Variants in ARHGEF6 observed in about 807,000 individuals in gnomAD.
ARHGEF6 encodes the protein rho guanine nucleotide exchange factor 6.
A neutral mutation model predicts 70.3 loss-of-function variants in ARHGEF6; 9 were observed. That is an observed-to-expected ratio of 0.13 (90% CI 0.08 to 0.22). The LOEUF (loss-of-function observed/expected upper bound fraction) is 0.22. Ranked by LOEUF, ARHGEF6 falls within the 10% of genes least tolerant of loss-of-function variation. The pLI is 1.00. For synonymous variants in ARHGEF6, 201 were observed against 207.8 expected, an observed-to-expected ratio of 0.97 and a Z score of 0.28; for missense variants, 470 against 563.0, an observed-to-expected ratio of 0.83 and a Z score of 1.67.
chrX:136,753,536 G>A (rs921894431), intron 2 of ARHGEF6, among the ~76,000 whole-genome samples: 21 of 111,693 alleles, frequency 1.9e-4, no homozygotes, highest in Non-Finnish European at 3.8e-4. Context: ...CAGGTCTTCA[G>A]TTCTCAAGGC....
At chrX:136,704,671 C>G (rs755395635) in intron 9 of ARHGEF6, among the ~76,000 whole-genome samples, 1 of 111,648 alleles carries the variant, frequency 9.0e-6, no homozygotes, top group Non-Finnish European at 1.9e-5. Flanking sequence ...CCTTATAAAA[C>G]CTTCAGATCT....
intron 2 of ARHGEF6, among the ~76,000 whole-genome samples, chrX:136,751,896 C>T (rs2077155291): frequency 9.0e-6 from 1 of 111,199 alleles, no homozygotes. Context: ...TTTGATTCTC[C>T]CAGCAAGCCC....
At chrX:136,699,003 G>A (rs1402157335) in intron 9 of ARHGEF6, among the ~76,000 whole-genome samples, 1 of 111,569 alleles carries the variant, frequency 9.0e-6, no homozygotes, top group African/African-American at 3.3e-5. Flanking sequence ...GGGAGCAAAG[G>A]TCTGTTGGAA....
Position 136,747,508 on chromosome X carries a change from C to T in ARHGEF6, c.334G>A (p.Asp112Asn). 5 of 1,206,089 alleles carry T rather than the reference C, an allele frequency of 4.1e-6. No individual in the cohort carries two copies. Among genetic ancestry groups the T allele is most frequent in the Non-Finnish European group, 5.6e-6 (5 of 891,604 alleles). The change falls in exon 3 of 22, where the codon GAT (aspartate) becomes AAT (asparagine). Residue 112 changes from aspartate to asparagine, a missense_variant and splice_region_variant. Around this residue, in one of 3 missense-constraint regions of ARHGEF6, gnomAD observed 379 missense variants for 449.3 expected, o/e 0.84. Coordinates refer to ENST00000250617, the MANE Select transcript of ARHGEF6 (RefSeq NM_004840.3). ...TLLAVNKATE[D>N]QLSERPCGRS... ...CATATAAATCACAAGCCCGGCTTAC[C>T]TTCTGTTGCTTTGTTGACAGCTAAA...
At chrX:136,678,831 A>T (rs2076304286) in intron 16 of ARHGEF6, among the ~76,000 whole-genome samples, 1 of 111,883 alleles carries the variant, frequency 8.9e-6, no homozygotes, top group Admixed American at 9.5e-5. Flanking sequence ...ATCATTTCTG[A>T]AATCTGAAAT....
At chrX:136,740,272 G>C (rs1420157043) in intron 5 of ARHGEF6, among the ~76,000 whole-genome samples, 1 of 111,441 alleles carries the variant, frequency 9.0e-6, no homozygotes, top group Non-Finnish European at 1.9e-5. Context: ...GCCTCCCAAA[G>C]TGTTGGGATT....
chrX:136,695,743 A>G (rs1428493226), intron 9 of ARHGEF6, among the ~76,000 whole-genome samples: 1 of 112,516 alleles, frequency 8.9e-6, no homozygotes, highest in Non-Finnish European at 1.9e-5. Flanking sequence ...TATGTAGAAA[A>G]GTATGAAAAC....
chrX:136,681,748 G>A, intron 14 of ARHGEF6, 142 bp downstream of exon 14: 3 of 500,339 alleles, frequency 6.0e-6, no homozygotes, highest in Non-Finnish European at 1.0e-5. Context: ...AATTATCCCA[G>A]GAAATGGAAT....
At position 136,680,742 on chromosome X, in the gene ARHGEF6, T is replaced by C. The variant is rs768146006; in HGVS notation, c.1693A>G (p.Ser565Gly). ...CATGGACTACTTACAGAATGAGCAC[T>C]ACATGATGACGATGAGGTTTTGGAT... is the stretch of plus-strand genomic sequence containing the variant. ...SLSKTSSSSC[S>G]AHSSFSSTGQ... Residue 565 changes from serine to glycine, a missense_variant, in exon 15 of 22, where the codon AGT (serine) becomes GGT (glycine). Physicochemically the swap from Ser to Gly is moderately conservative, Grantham distance 56. Around this residue, in one of 3 missense-constraint regions of ARHGEF6, gnomAD observed 379 missense variants for 449.3 expected, o/e 0.84. Coordinates refer to ENST00000250617, the MANE Select transcript of ARHGEF6 (RefSeq NM_004840.3). 2.5e-6 allele frequency: 3 copies of C among 1,211,863 alleles called. No homozygotes were observed. The highest frequency in any genetic ancestry group is 3.4e-6 in the Non-Finnish European group (3 of 895,380).
intron 2 of ARHGEF6, among the ~76,000 whole-genome samples, chrX:136,773,161 CG>C (rs2077376084): frequency 9.0e-6 from 1 of 111,406 alleles, no homozygotes; most frequent in South Asian, 3.8e-4. Context: ...GCTGCATCTG[CG>C]GCTCCATTTT....
intron 2 of ARHGEF6, among the ~76,000 whole-genome samples, chrX:136,778,375 T>C (rs557194561): frequency 8.9e-6 from 1 of 112,132 alleles, no homozygotes; most frequent in East Asian, 2.8e-4. Flanking sequence ...TCTATTAATA[T>C]AGAGTACTTC....
In ARHGEF6 at chrX:136,732,105, A is replaced by G; in HGVS notation, c.729T>C (p.Thr243=). ...TATTCATCATCTGAACACTTACCAC[A>G]GTATAATAATTCTTGGTAAGTGGAG... ...ETAPLTKNYY[T]VVLQNILDTE... The change falls in exon 6 of 22, where the codon ACT becomes ACC. Residue 243 remains threonine, a synonymous_variant. Transcript: ENST00000250617. The G allele has an allele frequency of 8.3e-7, 1 of 1,203,027 alleles. No individual in the cohort carries two copies. Among genetic ancestry groups the G allele is most frequent in the Non-Finnish European group, 1.1e-6 (1 of 888,413 alleles).
chrX:136,722,433 CT>C (rs779204996), intron 6 of ARHGEF6, among the ~76,000 whole-genome samples: 81 of 111,854 alleles, frequency 7.2e-4, no homozygotes, highest in Non-Finnish European at 1.2e-3. Flanking sequence ...TGATAAGAGT[CT>C]AGTATCCACA....
chrX:136,738,406 C>T lies in ARHGEF6; in HGVS notation c.661+5179G>A, dbSNP rs570109510. Among the ~76,000 whole-genome samples the T allele has an allele frequency of 2.4e-4, 27 of 111,605 alleles. No individual in the cohort carries two copies. The South Asian group carries it at 7.7e-3, about 32-fold the overall frequency. ...TGCCTCCTCCTGTCTTCTCTATTAA[C>T]GGAGTTCAGCACACTTCAAATATTT... is the stretch of plus-strand genomic sequence containing the variant. On this transcript the variant is annotated intron_variant, in intron 5 of 21. Transcript: ENST00000250617.
intron 9 of ARHGEF6, among the ~76,000 whole-genome samples, chrX:136,702,024 A>C (rs2076581366): frequency 9.0e-6 from 1 of 111,420 alleles, no homozygotes; most frequent in African/African-American, 3.3e-5. Context: ...TCTTATTCTT[A>C]ATTGATTTAA....
In ARHGEF6 at chrX:136,745,247, C is replaced by A. The variant is rs759627140; in HGVS notation, c.435G>T (p.Gly145=). The A allele has an allele frequency of 6.6e-6, 8 of 1,211,805 alleles. No individual in the cohort carries two copies. The South Asian group carries it at 1.4e-4, about 21-fold the overall frequency. Residue 145 remains glycine, a synonymous_variant, in exon 4 of 22, where the codon GGG becomes GGT. Transcript: ENST00000250617. ...PQGAVSSTVS[G]LQRQSKTVEM... is the part of the protein sequence containing the mutation. ...CCACTGTCTTTGACTGCCTTTGCAG[C>A]CCTGAAACTGTGCTAGAAACTGCTC...
chrX:136,715,962 C>T (rs746785380), intron 6 of ARHGEF6, among the ~76,000 whole-genome samples: 9 of 112,554 alleles, frequency 8.0e-5, no homozygotes, highest in Admixed American at 3.7e-4. Flanking sequence ...TTTTTTGAGA[C>T]GCAGTTTCGC....
rs1335744017 is a variant in ARHGEF6 at position 136,742,781 on chromosome X, C to T, written c.661+804G>A. 2.7e-5 allele frequency among the ~76,000 whole-genome samples: 3 copies of T among 111,243 alleles called. No homozygotes were observed. In the Admixed American group the frequency reaches 2.9e-4, roughly 11 times the overall value. ...CTTGAGCCCAGGAGTTCAAGACCAG[C>T]CTGGGCAACACAGGCAGATCCGTCT... On this transcript the variant is annotated intron_variant, in intron 5 of 21. Coordinates refer to ENST00000250617, the MANE Select transcript of ARHGEF6 (RefSeq NM_004840.3).
intron 9 of ARHGEF6, among the ~76,000 whole-genome samples, chrX:136,705,561 A>G (rs1378238430): frequency 8.9e-6 from 1 of 111,877 alleles, no homozygotes; most frequent in Non-Finnish European, 1.9e-5. Flanking sequence ...TCTTATCTGT[A>G]AAGCAGAGAT....
Sources: allele counts gnomAD v4.1 joint callset (sites outside exome capture counted in the v4.1 genomes callset), GRCh38; gene constraint gnomAD v4.1.1; regional missense constraint gnomAD v4.1.1; transcripts MANE v1.5; gene names NCBI Gene and HGNC (gene_info 2026-07-23, HGNC 2026-07-21).